Variants in TNKS observed in about 807,000 individuals in gnomAD.
TNKS encodes poly [ADP-ribose] polymerase tankyrase-1.
TNKS carries 72 observed loss-of-function variants against 135.8 expected under a neutral mutation model. That is an observed-to-expected ratio of 0.53 (90% CI 0.44 to 0.64). The LOEUF (loss-of-function observed/expected upper bound fraction) is 0.64. Ranked by LOEUF, TNKS falls within the 30% of genes least tolerant of loss-of-function variation. TNKS has a pLI of 0.00. For missense variants in TNKS, 1,769 were observed against 1,674.0 expected (o/e 1.06, Z -0.99); for synonymous variants, 849 against 649.3 (o/e 1.31, Z -4.68).
chr8:9,714,370 A>T (rs1292410955), intron 11 of TNKS, among the ~76,000 whole-genome samples: 1 of 151,750 alleles, frequency 6.6e-6, no homozygotes, highest in Non-Finnish European at 1.5e-5. Context: ...GTATATAAAT[A>T]TGTAGTATAG....
chr8:9,658,728 A>G (rs1475601695), intron 3 of TNKS, among the ~76,000 whole-genome samples: 3 of 152,370 alleles, frequency 2.0e-5, no homozygotes, highest in Non-Finnish European at 2.9e-5. Flanking sequence ...AAATTCACAC[A>G]TAACAGTATT....
intron 12 of TNKS, among the ~76,000 whole-genome samples, chr8:9,723,593 A>G (rs1805014036): frequency 6.6e-6 from 1 of 152,218 alleles, no homozygotes; most frequent in African/African-American, 2.4e-5. Flanking sequence ...ACTTTAAAAC[A>G]TTATTTCCAA....
chr8:9,722,757 A>G lies in TNKS; in HGVS notation c.1921+2212A>G, dbSNP rs535259318. Among the ~76,000 whole-genome samples, 48 of 152,264 alleles carry G rather than the reference A, an allele frequency of 3.2e-4. No homozygotes were observed. In the Middle Eastern group the frequency reaches 0.01, roughly 32 times the overall value. ...ATCATTTAGTACCGAATTTTAAGTTAGTTTCTGTATGTTTTAACCATAAGT... is the reference window on the plus strand; with the variant it reads ...ATCATTTAGTACCGAATTTTAAGTTGGTTTCTGTATGTTTTAACCATAAGT... On this transcript the variant is annotated intron_variant, in intron 12 of 26. Coordinates refer to ENST00000310430, the MANE Select transcript of TNKS (RefSeq NM_003747.3).
chr8:9,766,841 G>C (rs1010793017), intron 25 of TNKS, among the ~76,000 whole-genome samples: 1 of 152,090 alleles, frequency 6.6e-6, no homozygotes, highest in African/African-American at 2.4e-5. Flanking sequence ...CTTGCATCCC[G>C]GTAAATCCCG....
At chr8:9,764,882 T>G in intron 23 of TNKS, 92 bp downstream of exon 23, 1 of 986,694 alleles carries the variant, frequency 1.0e-6, no homozygotes, top group Non-Finnish European at 1.5e-6. Context: ...TAAGTCATAT[T>G]TTCAAACTGT....
chr8:9,561,345 T>C (rs1797324361), intron 1 of TNKS, among the ~76,000 whole-genome samples: 1 of 152,194 alleles, frequency 6.6e-6, no homozygotes, highest in African/African-American at 2.4e-5. Context: ...TTCAGAAAGT[T>C]CCCTCATACC....
At chr8:9,583,354 T>C (rs1253476680) in intron 2 of TNKS, among the ~76,000 whole-genome samples, 1 of 152,174 alleles carries the variant, frequency 6.6e-6, no homozygotes, top group Non-Finnish European at 1.5e-5. Flanking sequence ...GTTTTTATAC[T>C]GTAATGTTGA....
chr8:9,742,200 A>T (rs139285768), intron 17 of TNKS, among the ~76,000 whole-genome samples: 1 of 152,124 alleles, frequency 6.6e-6, no homozygotes, highest in Non-Finnish European at 1.5e-5. Flanking sequence ...GAGTCACTCA[A>T]AAATTTTTTT....
intron 25 of TNKS, among the ~76,000 whole-genome samples, chr8:9,767,118 G>A (rs187210051): frequency 6.6e-6 from 1 of 152,086 alleles, no homozygotes; most frequent in African/African-American, 2.4e-5. Flanking sequence ...AAAAAACATA[G>A]ACTCTTTAAT....
chr8:9,638,946 T>G (rs1800622971), intron 3 of TNKS, among the ~76,000 whole-genome samples: 1 of 152,144 alleles, frequency 6.6e-6, no homozygotes, highest in Admixed American at 6.5e-5. Flanking sequence ...TTCTATACCT[T>G]AATTAAAAAG....
At position 9,700,936 on chromosome 8, in the gene TNKS, CTT is replaced by C. The variant is rs66830437; in HGVS notation, c.1108-3713_1108-3712del. ...TTAAATTTTTCTTATGTTTTGCCCC[CTT>C]TTTTTTTTTTTTTGAGACGGAGTCT... On this transcript the variant is annotated intron_variant, in intron 5 of 26. Coordinates refer to ENST00000310430, the MANE Select transcript of TNKS (RefSeq NM_003747.3). Among the ~76,000 whole-genome samples, 459 of 142,040 alleles carry C rather than the reference CTT, an allele frequency of 3.2e-3. 7 individuals carry two copies. Among genetic ancestry groups the C allele is most frequent in the East Asian group, 0.028 (139 of 4,934 alleles). 93.2% of individuals were successfully genotyped at this position (142,040 alleles called of 152,430 possible).
intron 3 of TNKS, among the ~76,000 whole-genome samples, chr8:9,671,935 C>G (rs1257212799): frequency 1.3e-5 from 2 of 152,168 alleles, no homozygotes; most frequent in Non-Finnish European, 1.5e-5. Context: ...GTGATGAAAT[C>G]TCACACAGAC....
chr8:9,650,181 T>G (rs1164033247), intron 3 of TNKS, among the ~76,000 whole-genome samples: 28 of 152,140 alleles, frequency 1.8e-4, no homozygotes, highest in Admixed American at 1.8e-3. Context: ...GGTGAGCTAC[T>G]GTGCCCAGCC....
intron 12 of TNKS, among the ~76,000 whole-genome samples, chr8:9,722,777 A>G (rs557912610): frequency 2.6e-5 from 4 of 152,292 alleles, no homozygotes; most frequent in East Asian, 1.9e-4. Context: ...TGTTTTAACC[A>G]TAAGTCAGGC....
intron 15 of TNKS, among the ~76,000 whole-genome samples, 199 bp downstream of exon 15, chr8:9,733,643 T>C (rs1012853470): frequency 2.0e-5 from 3 of 152,118 alleles, no homozygotes; most frequent in African/African-American, 7.2e-5. Flanking sequence ...TCTGAAATGG[T>C]TTAAGTCCAT....
chr8:9,598,115 A>G lies in TNKS; in HGVS notation c.899-17467A>G, dbSNP rs190859942. On this transcript the variant is annotated intron_variant, in intron 2 of 26. Coordinates refer to ENST00000310430, the MANE Select transcript of TNKS (RefSeq NM_003747.3). ...CATAGGAAAATAATAGTAATGATATATTTATGATATACTTTCTCCTCCAGG... is the reference window on the plus strand; with the variant it reads ...CATAGGAAAATAATAGTAATGATATGTTTATGATATACTTTCTCCTCCAGG... Among the ~76,000 whole-genome samples the G allele has an allele frequency of 2.8e-3, 432 of 152,266 alleles. 4 individuals are homozygous for G. The highest frequency in any genetic ancestry group is 9.6e-3 in the African/African-American group (400 of 41,552).
intron 3 of TNKS, among the ~76,000 whole-genome samples, chr8:9,625,113 C>G (rs546239893): frequency 2.0e-5 from 3 of 151,990 alleles, no homozygotes; most frequent in Non-Finnish European, 4.4e-5. Flanking sequence ...AGGTCTGAAA[C>G]TAATTGGGTT....
intron 1 of TNKS, among the ~76,000 whole-genome samples, chr8:9,573,805 T>C (rs1797847578): frequency 6.6e-6 from 1 of 152,218 alleles, no homozygotes; most frequent in Non-Finnish European, 1.5e-5. Context: ...GACTTTAAGA[T>C]GTGATTTTGC....
chr8:9,583,905 C>A (rs775153699), intron 2 of TNKS, among the ~76,000 whole-genome samples: 54 of 151,278 alleles, frequency 3.6e-4, no homozygotes, highest in Non-Finnish European at 6.9e-4. Context: ...TGGCTCACTC[C>A]TGTAATCCCA....
Sources: gnomAD v4.1 joint callset for allele counts (sites outside exome capture counted in the v4.1 genomes callset) on GRCh38, gnomAD v4.1.1 for gene constraint, MANE v1.5 for transcripts, NCBI Gene and HGNC (gene_info 2026-07-23, HGNC 2026-07-21) for gene names.